TENM1: variants seen among roughly 807,000 people sequenced by gnomAD.
TENM1 encodes the protein teneurin transmembrane protein 1, also known as teneurin-1.
TENM1 carries 35 observed loss-of-function variants against 174.8 expected under a neutral mutation model. The observed-to-expected ratio is 0.20, with a 90% confidence interval of 0.15 to 0.27. The LOEUF is 0.27. Among genes scored for constraint, TENM1 ranks in the 10% least tolerant of loss-of-function variants. The pLI, the probability that TENM1 is intolerant of heterozygous loss-of-function variation, is 1.00. For missense variants in TENM1, 1,633 were observed against 2,130.1 expected (o/e 0.77, Z 4.59); for synonymous variants, 781 against 798.7 (o/e 0.98, Z 0.37).
At chrX:124,783,471 TATA>T (rs1273283738) in intron 3 of TENM1, among the ~76,000 whole-genome samples, 1 of 111,978 alleles carries the variant, frequency 8.9e-6, no homozygotes, top group East Asian at 2.8e-4. Context: ...AAGCATGTGT[TATA>T]ATAATTTTTA....
chrX:125,014,449 A>G, the TENM1 span, among the ~76,000 whole-genome samples: 5 of 112,580 alleles, frequency 4.4e-5, no homozygotes, highest in Non-Finnish European at 9.4e-5. Flanking sequence ...AAAGCTAACT[A>G]TTTCTTTACT....
chrX:124,846,953 T>A (rs1158288956), intron 3 of TENM1, among the ~76,000 whole-genome samples: 1 of 112,008 alleles, frequency 8.9e-6, no homozygotes, highest in Non-Finnish European at 1.9e-5. Flanking sequence ...ATTAGCACGG[T>A]AAACACTGAA....
At chrX:124,587,982 A>G (rs2049592891) in intron 11 of TENM1, among the ~76,000 whole-genome samples, 1 of 112,135 alleles carries the variant, frequency 8.9e-6, no homozygotes, top group African/African-American at 3.2e-5. Context: ...AATCAAAACC[A>G]CAATGAGATA....
intron 23 of TENM1, among the ~76,000 whole-genome samples, chrX:124,447,681 G>A (rs1480379349): frequency 2.7e-5 from 3 of 111,264 alleles, no homozygotes; most frequent in African/African-American, 6.5e-5. Flanking sequence ...AAAAACTTGC[G>A]TCTCTTGGCT....
At chrX:124,789,151 C>T (rs2055116345) in intron 3 of TENM1, among the ~76,000 whole-genome samples, 1 of 111,822 alleles carries the variant, frequency 8.9e-6, no homozygotes, top group Non-Finnish European at 1.9e-5. Context: ...TCTGAATCCA[C>T]AGCCCGAGTT....
At chrX:124,887,439 G>A (rs928888556) in intron 3 of TENM1, among the ~76,000 whole-genome samples, 2 of 111,217 alleles carry the variant, frequency 1.8e-5, no homozygotes, top group African/African-American at 6.5e-5. Context: ...TGTCTCAAGA[G>A]TGAAACCTGA....
At chrX:124,409,603 T>C (rs898467411) in intron 25 of TENM1, among the ~76,000 whole-genome samples, 1 of 109,655 alleles carries the variant, frequency 9.1e-6, no homozygotes, top group African/African-American at 3.3e-5. Flanking sequence ...TGCAGATGAT[T>C]GTATATCTAG....
chrX:124,759,322 T>C (rs776321617), intron 3 of TENM1, among the ~76,000 whole-genome samples: 1 of 109,570 alleles, frequency 9.1e-6, no homozygotes, highest in Non-Finnish European at 1.9e-5. Flanking sequence ...AATAGTTTTT[T>C]AAAAAAAAAA....
chrX:124,763,366 C>T (rs139502262), intron 3 of TENM1, among the ~76,000 whole-genome samples: 75 of 111,413 alleles, frequency 6.7e-4, no homozygotes, highest in Middle Eastern at 4.7e-3. Flanking sequence ...AATAATTTTC[C>T]TAGCCCAAGC....
intron 1 of TENM1, among the ~76,000 whole-genome samples, chrX:124,916,968 C>A (rs1209291043): frequency 9.0e-6 from 1 of 111,582 alleles, no homozygotes; most frequent in Admixed American, 9.5e-5. Context: ...TAAAACAAAC[C>A]AAGAATGGAC....
At chrX:125,073,065 T>C in the TENM1 span, among the ~76,000 whole-genome samples, 4 of 111,437 alleles carry the variant, frequency 3.6e-5, no homozygotes, top group African/African-American at 1.3e-4. Flanking sequence ...TTGCATCACA[T>C]TGAGGCACAA....
At chrX:124,395,389 C>T (rs764169377) in intron 27 of TENM1, among the ~76,000 whole-genome samples, 2 of 107,768 alleles carry the variant, frequency 1.9e-5, no homozygotes, top group South Asian at 8.3e-4. Flanking sequence ...TCAGCTGGGG[C>T]TAATGTTATT....
intron 13 of TENM1, 71 bp from the exon 17 acceptor site, chrX:124,561,888 C>T (rs1569309077): frequency 4.7e-6 from 5 of 1,058,308 alleles, no homozygotes; most frequent in Non-Finnish European, 6.5e-6. Context: ...ATGTATTTGC[C>T]TATAGGGAAG....
At chrX:124,919,516 T>A (rs1245277174) in intron 1 of TENM1, among the ~76,000 whole-genome samples, 1 of 110,964 alleles carries the variant, frequency 9.0e-6, no homozygotes, top group Non-Finnish European at 1.9e-5. Flanking sequence ...TTTTTAGGGA[T>A]GCATACATAC....
chrX:124,483,997 C>T (rs749563096), intron 21 of TENM1, among the ~76,000 whole-genome samples: 5 of 112,126 alleles, frequency 4.5e-5, no homozygotes, highest in Admixed American at 3.8e-4. Flanking sequence ...AGGATCCCAT[C>T]CACGATAACA....
intron 23 of TENM1, among the ~76,000 whole-genome samples, chrX:124,435,068 C>G (rs1299467087): frequency 9.0e-6 from 1 of 111,189 alleles, no homozygotes; most frequent in African/African-American, 3.3e-5. Flanking sequence ...AATAAGAAAT[C>G]AAATTTGAGG....
intron 23 of TENM1, among the ~76,000 whole-genome samples, chrX:124,432,454 G>A (rs762463507): frequency 9.0e-6 from 1 of 111,707 alleles, no homozygotes; most frequent in East Asian, 2.8e-4. Flanking sequence ...TGTCGCCCAG[G>A]CTGGCGTGCA....
the TENM1 span, among the ~76,000 whole-genome samples, chrX:125,023,517 G>C: frequency 2.7e-5 from 3 of 110,816 alleles, no homozygotes; most frequent in East Asian, 8.6e-4. Context: ...AGAGAACAAG[G>C]ACAATGCTAC....
intron 11 of TENM1, among the ~76,000 whole-genome samples, chrX:124,591,720 A>T (rs113424513): frequency 0.04 from 4,493 of 111,316 alleles, 200 homozygotes; most frequent in African/African-American, 0.13. Flanking sequence ...TTCATTCTGT[A>T]TAGTATTTCT....
Sources: gnomAD v4.1 joint callset for allele counts (sites outside exome capture counted in the v4.1 genomes callset) on GRCh38, gnomAD v4.1.1 for gene constraint, MANE v1.5 for transcripts, NCBI Gene and HGNC (gene_info 2026-07-23, HGNC 2026-07-21) for gene names.